Variants in PPP4R3B observed in about 807,000 individuals in gnomAD.
The protein encoded by PPP4R3B is protein phosphatase 4 regulatory subunit 3B, also known as serine/threonine-protein phosphatase 4 regulatory subunit 3B.
Under a neutral mutation model 95.4 loss-of-function variants are expected in PPP4R3B, and 52 were observed. The ratio of observed to expected loss-of-function variants is 0.54; its 90% CI spans 0.44 to 0.69. The LOEUF (loss-of-function observed/expected upper bound fraction) is 0.69, where lower values mean the gene tolerates loss of function less well. PPP4R3B is among the 30% of genes least tolerant of loss of function. PPP4R3B has a pLI of 0.00. For missense variants in PPP4R3B, 1,003 were observed against 1,005.9 expected (o/e 1.00, Z 0.04); for synonymous variants, 407 against 343.9 (o/e 1.18, Z -2.03).
intron 4 of PPP4R3B, among the ~76,000 whole-genome samples, chr2:55,592,545 G>A (rs1691181897): frequency 6.6e-6 from 1 of 152,086 alleles, no homozygotes; most frequent in South Asian, 2.1e-4. Context: ...AGTATCTGAA[G>A]ATTTTACATA....
intron 13 of PPP4R3B, among the ~76,000 whole-genome samples, chr2:55,566,253 T>C (rs1465482106): frequency 1.3e-5 from 2 of 152,066 alleles, no homozygotes; most frequent in Non-Finnish European, 2.9e-5. Context: ...AATCAGAAAT[T>C]AGAAACCTAG....
chr2:55,604,788 A>T (rs570147309), intron 2 of PPP4R3B, among the ~76,000 whole-genome samples: 2 of 138,592 alleles, frequency 1.4e-5, no homozygotes, highest in South Asian at 4.4e-4. Flanking sequence ...ATTTAAAATA[A>T]AACATAGACA....
At chr2:55,588,741 A>T (rs6750451) in intron 5 of PPP4R3B, 138 bp downstream of exon 5, 54 of 543,252 alleles carry the variant, frequency 9.9e-5, no homozygotes, top group African/African-American at 8.3e-4. Context: ...ATCATTTCAT[A>T]GTTCAATTTA....
chr2:55,605,042 G>C (rs962815830), intron 2 of PPP4R3B, among the ~76,000 whole-genome samples: 4 of 151,934 alleles, frequency 2.6e-5, no homozygotes, highest in African/African-American at 9.7e-5. Flanking sequence ...TTTTGCCCAG[G>C]TTGGTCTGGA....
intron 11 of PPP4R3B, among the ~76,000 whole-genome samples, chr2:55,574,408 T>A (rs997919834): frequency 1.3e-5 from 2 of 151,936 alleles, no homozygotes; most frequent in South Asian, 4.2e-4. Context: ...GTTTCTGTAA[T>A]AAATGCTATA....
At position 55,617,139 on chromosome 2, in the gene PPP4R3B, C is replaced by G; in HGVS notation, c.142+5G>C. On this transcript the variant is annotated splice_donor_5th_base_variant and intron_variant, in intron 1 of 16. Coordinates refer to ENST00000616407, the MANE Select transcript of PPP4R3B (RefSeq NM_001122964.3). ...TCCCCTATTCTACAGTTCCGATAAC[C>G]TTACCGTCGGACTCTGCCCGAACCA... The G allele has an allele frequency of 6.2e-7, 1 of 1,609,784 alleles. No individual in the cohort carries two copies. Among genetic ancestry groups the G allele is most frequent in the Non-Finnish European group, 8.5e-7 (1 of 1,178,158 alleles).
intron 12 of PPP4R3B, among the ~76,000 whole-genome samples, chr2:55,571,356 G>C (rs1687974903): frequency 6.6e-6 from 1 of 152,080 alleles, no homozygotes; most frequent in African/African-American, 2.4e-5. Context: ...CCTATTAAGG[G>C]AAGTATTCTG....
At chr2:55,597,480 G>A (rs542838622) in intron 4 of PPP4R3B, among the ~76,000 whole-genome samples, 1 of 152,250 alleles carries the variant, frequency 6.6e-6, no homozygotes, top group African/African-American at 2.4e-5. Flanking sequence ...AAATTAGCTG[G>A]GCGTGATGGC....
chr2:55,607,375 T>A (rs549064311), intron 2 of PPP4R3B, among the ~76,000 whole-genome samples: 1 of 152,368 alleles, frequency 6.6e-6, no homozygotes, highest in South Asian at 2.1e-4. Context: ...TGCGTTGTTT[T>A]ACCTGTTTCC....
At chr2:55,589,045 T>C (rs1401622891) in intron 4 of PPP4R3B, 89 bp from the exon 5 acceptor site, 1 of 808,382 alleles carries the variant, frequency 1.2e-6, no homozygotes, top group Non-Finnish European at 1.9e-6. Flanking sequence ...TAAAAAATAG[T>C]TGACAAGTAG....
intron 3 of PPP4R3B, among the ~76,000 whole-genome samples, chr2:55,600,309 C>T (rs147909119): frequency 0.021 from 3,183 of 151,676 alleles, 55 homozygotes; most frequent in Admixed American, 0.065. Context: ...GCCTGTAGTC[C>T]CAGCTACTCG....
At chr2:55,613,364 A>C (rs1694454099) in intron 2 of PPP4R3B, among the ~76,000 whole-genome samples, 1 of 151,734 alleles carries the variant, frequency 6.6e-6, no homozygotes, top group Non-Finnish European at 1.5e-5. Flanking sequence ...CAAAAAAAAA[A>C]AGCCCAACGA....
At chr2:55,561,806 CTTGT>C (rs1382376245) in intron 15 of PPP4R3B, among the ~76,000 whole-genome samples, 1 of 152,186 alleles carries the variant, frequency 6.6e-6, no homozygotes, top group Non-Finnish European at 1.5e-5. Context: ...AGGTAACTAA[CTTGT>C]TTTTTATTTT....
intron 1 of PPP4R3B, among the ~76,000 whole-genome samples, chr2:55,616,350 A>T (rs1694922575): frequency 6.6e-6 from 1 of 152,246 alleles, no homozygotes; most frequent in African/African-American, 2.4e-5. Flanking sequence ...GCAAGAATAC[A>T]AAATATGTCA....
At position 55,599,057 on chromosome 2, in the gene PPP4R3B, T is replaced by C. The variant is rs192791017; in HGVS notation, c.298-18A>G. 1.9e-4 allele frequency: 292 copies of C among 1,562,270 alleles called. 4 individuals are homozygous for C. The Admixed American group carries it at 5.7e-3, about 31-fold the overall frequency. On this transcript the variant is annotated intron_variant, in intron 3 of 16. Coordinates refer to ENST00000616407, the MANE Select transcript of PPP4R3B (RefSeq NM_001122964.3). ...CCTTGAACCTAAAAATATCCAAGTA[T>C]ACAGCTAATTACCTTAAAATACAAA... is the stretch of plus-strand genomic sequence containing the variant.
At chr2:55,574,664 G>GCT (rs137934468) in intron 11 of PPP4R3B, among the ~76,000 whole-genome samples, 13,463 of 151,334 alleles carry the variant, frequency 0.089, 730 homozygotes, top group South Asian at 0.14. Context: ...CGCGATCTTG[G>GCT]CTCACAGTAA....
intron 16 of PPP4R3B, among the ~76,000 whole-genome samples, chr2:55,551,833 C>T (rs1685285752): frequency 6.6e-6 from 1 of 152,122 alleles, no homozygotes; most frequent in Non-Finnish European, 1.5e-5. Context: ...AGTTAGTGTT[C>T]AATAAGTGCT....
chr2:55,604,183 C>T lies in PPP4R3B; in HGVS notation c.199-107G>A, dbSNP rs889699238. ...AAACAACACAGCAATGACAAATGCC[C>T]CGATATGAGTAATCAATGTATATCT... On this transcript the variant is annotated intron_variant, in intron 2 of 16. Coordinates refer to ENST00000616407, the MANE Select transcript of PPP4R3B (RefSeq NM_001122964.3). 3.4e-5 allele frequency: 23 copies of T among 678,002 alleles called. 1 individual carries two copies. In the African/African-American group the frequency reaches 4.1e-4, roughly 12 times the overall value. The allele number at this position is 678,002 out of a possible 1,614,324, so 42.0% of individuals were successfully genotyped here. A position where few individuals can be genotyped will look rare whatever the true frequency, so the allele number is the denominator to read the frequency against.
intron 4 of PPP4R3B, among the ~76,000 whole-genome samples, chr2:55,597,808 T>A (rs899615919): frequency 1.2e-4 from 19 of 152,040 alleles, no homozygotes; most frequent in Admixed American, 3.3e-4. Flanking sequence ...TCTCAAAAAA[T>A]AAATAAATAA....
Sources: gnomAD v4.1 joint callset for allele counts (sites outside exome capture counted in the v4.1 genomes callset) on GRCh38, gnomAD v4.1.1 for gene constraint, MANE v1.5 for transcripts, NCBI Gene and HGNC (gene_info 2026-07-23, HGNC 2026-07-21) for gene names.